The following PDE11A variants were observed in gnomAD, a reference collection of about 807,000 sequenced individuals.
The protein encoded by PDE11A is phosphodiesterase 11A.
In PDE11A, 100 loss-of-function variants were observed where a neutral mutation model predicts 100.5. The observed-to-expected ratio is 1.00, with a 90% CI of 0.85 to 1.18. PDE11A has a LOEUF of 1.18. PDE11A is among the 50% of genes most tolerant of loss of function. PDE11A has a pLI of 0.00. For missense variants in PDE11A, 1,141 were observed against 1,152.6 expected (o/e 0.99, Z 0.15); for synonymous variants, 381 against 420.8 (o/e 0.91, Z 1.16).
intron 2 of PDE11A, among the ~76,000 whole-genome samples, chr2:178,099,721 GAC>G (rs1003632025): frequency 2.4e-4 from 36 of 152,150 alleles, no homozygotes; most frequent in African/African-American, 7.9e-4. Context: ...CAAAAAATTA[GAC>G]ACAGAATTAT....
intron 2 of PDE11A, among the ~76,000 whole-genome samples, chr2:177,988,453 G>A (rs188523783): frequency 2.6e-5 from 4 of 152,230 alleles, no homozygotes; most frequent in Non-Finnish European, 4.4e-5. Context: ...TAGAGGTAAA[G>A]CAAATTCCTC....
chr2:178,056,157 G>A (rs2086897158), intron 1 of PDE11A, among the ~76,000 whole-genome samples: 1 of 152,156 alleles, frequency 6.6e-6, no homozygotes, highest in African/African-American at 2.4e-5. Context: ...AAGTTTTGGA[G>A]CGTTAACATA....
At chr2:177,969,630 G>GT (rs1014924962) in intron 2 of PDE11A, among the ~76,000 whole-genome samples, 1 of 133,420 alleles carries the variant, frequency 7.5e-6, no homozygotes, top group Non-Finnish European at 1.7e-5. Context: ...AAGAAAAAAA[G>GT]TAAGTAAGCC....
intron 1 of PDE11A, among the ~76,000 whole-genome samples, chr2:178,036,682 C>A (rs1242982961): frequency 6.6e-6 from 1 of 151,974 alleles, no homozygotes; most frequent in South Asian, 2.1e-4. Flanking sequence ...GATACATAGA[C>A]CAACGGAACG....
At position 177,625,521 on chromosome 2, in the gene PDE11A, T is replaced by C. The variant is rs899845722; in HGVS notation, c.*3886A>G. Reference sequence around the variant, plus strand: ...GTAGATTGTGCACATAATAGCTACATAGTGACTAGTAAGAATAAATATGTC... The same window carrying C: ...GTAGATTGTGCACATAATAGCTACACAGTGACTAGTAAGAATAAATATGTC... On this transcript the variant is annotated 3_prime_UTR_variant, in exon 20 of 20. Transcript: ENST00000286063. 2 of 152,348 alleles carry C rather than the reference T, an allele frequency of 1.3e-5. No homozygotes were observed. The highest frequency in any genetic ancestry group is 2.9e-5 in the Non-Finnish European group (2 of 68,040). The allele number at this position is 152,348 out of a possible 1,614,324, so 9.4% of individuals were successfully genotyped here. A position where few individuals can be genotyped will look rare whatever the true frequency, so the allele number is the denominator to read the frequency against.
At chr2:178,055,742 A>C (rs2086892068) in intron 1 of PDE11A, among the ~76,000 whole-genome samples, 1 of 152,166 alleles carries the variant, frequency 6.6e-6, no homozygotes, top group Admixed American at 6.5e-5. Flanking sequence ...CTACAGGAAG[A>C]GATAGAAAGA....
intron 10 of PDE11A, among the ~76,000 whole-genome samples, chr2:177,740,255 A>G (rs1184996265): frequency 6.6e-6 from 1 of 152,244 alleles, no homozygotes; most frequent in Non-Finnish European, 1.5e-5. Context: ...AATAACCCAC[A>G]TACAAAGGTC....
At chr2:177,675,786 C>A in intron 16 of PDE11A, 1 of 600,988 alleles carries the variant, frequency 1.7e-6, no homozygotes, top group South Asian at 1.6e-5. Flanking sequence ...CAAAGCACTA[C>A]TTTCTGTACA....
chr2:177,932,832 T>TAAA (rs58921185), intron 2 of PDE11A, among the ~76,000 whole-genome samples: 1 of 140,428 alleles, frequency 7.1e-6, no homozygotes, highest in Non-Finnish European at 1.6e-5. Context: ...AGGCAAGAGT[T>TAAA]AAAAAAAAAA....
intron 2 of PDE11A, among the ~76,000 whole-genome samples, chr2:177,933,812 C>G (rs1373396128): frequency 6.6e-6 from 1 of 152,034 alleles, no homozygotes; most frequent in African/African-American, 2.4e-5. Context: ...AAAGGAGAAT[C>G]CAGAAATAAA....
chr2:177,953,241 A>G (rs1296897574), intron 2 of PDE11A: 2 of 152,210 alleles, frequency 1.3e-5, no homozygotes, highest in Admixed American at 6.5e-5. Flanking sequence ...AGCACATTAG[A>G]AAGAAGGGCA....
At chr2:177,745,724 G>T (rs1170116715) in intron 10 of PDE11A, among the ~76,000 whole-genome samples, 2 of 152,186 alleles carry the variant, frequency 1.3e-5, no homozygotes, top group Non-Finnish European at 2.9e-5. Context: ...GTCCCCAGTG[G>T]TCCTTCTTGG....
chr2:177,710,728 A>C (rs191172763), intron 13 of PDE11A, among the ~76,000 whole-genome samples: 21 of 152,350 alleles, frequency 1.4e-4, no homozygotes, highest in Admixed American at 1.2e-3. Flanking sequence ...CAAAATTGAA[A>C]TTCATCTGCT....
At chr2:178,041,554 A>G (rs991283137) in intron 1 of PDE11A, among the ~76,000 whole-genome samples, 1 of 152,154 alleles carries the variant, frequency 6.6e-6, no homozygotes, top group African/African-American at 2.4e-5. Context: ...AATTCTTTTA[A>G]GAACCACGTG....
intron 10 of PDE11A, among the ~76,000 whole-genome samples, chr2:177,739,561 A>G (rs573955749): frequency 1.3e-5 from 2 of 152,226 alleles, no homozygotes; most frequent in Non-Finnish European, 2.9e-5. Context: ...GCTGGTCAGA[A>G]GAAATGTTTC....
At chr2:177,788,574 C>T (rs2082576848) in intron 9 of PDE11A, among the ~76,000 whole-genome samples, 1 of 151,402 alleles carries the variant, frequency 6.6e-6, no homozygotes, top group Admixed American at 6.6e-5. Flanking sequence ...CACAAAAAAC[C>T]CTTCAAAAAA....
intron 5 of PDE11A, among the ~76,000 whole-genome samples, chr2:177,873,741 G>A (rs1453020235): frequency 6.6e-6 from 1 of 152,144 alleles, no homozygotes; most frequent in African/African-American, 2.4e-5. Context: ...GATGTTTTAA[G>A]AATGTCCTGT....
At chr2:177,720,189 G>A (rs1337283847) in intron 12 of PDE11A, among the ~76,000 whole-genome samples, 1 of 152,094 alleles carries the variant, frequency 6.6e-6, no homozygotes, top group Non-Finnish European at 1.5e-5. Flanking sequence ...GATCCTAGGG[G>A]CAGCCTAATG....
chr2:177,897,901 T>C (rs893208638), intron 4 of PDE11A, among the ~76,000 whole-genome samples, 157 bp downstream of exon 4: 4 of 152,100 alleles, frequency 2.6e-5, no homozygotes, highest in Non-Finnish European at 2.9e-5. Flanking sequence ...GAAATACACA[T>C]AAAGAAAATA....
Sources: gnomAD v4.1 joint callset for allele counts (sites outside exome capture counted in the v4.1 genomes callset) on GRCh38, gnomAD v4.1.1 for gene constraint, MANE v1.5 for transcripts, NCBI Gene and HGNC (gene_info 2026-07-23, HGNC 2026-07-21) for gene names.